The following PTPRA variants were observed in gnomAD, a reference collection of about 807,000 sequenced individuals.
PTPRA encodes the protein protein tyrosine phosphatase receptor type A.
A neutral mutation model predicts 104.8 loss-of-function variants in PTPRA; 25 were observed. That is an observed-to-expected ratio of 0.24 (90% CI 0.17 to 0.33). The LOEUF is 0.33. Ranked by LOEUF, PTPRA falls within the 10% of genes least tolerant of loss-of-function variation. The pLI, the probability that PTPRA is intolerant of heterozygous loss-of-function variation, is 1.00. For missense variants in PTPRA, 765 were observed against 1,015.3 expected (o/e 0.75, Z 3.35); for synonymous variants, 323 against 368.9 (o/e 0.88, Z 1.43).
At chr20:3,029,116 A>T (rs505946) in intron 20 of PTPRA, among the ~76,000 whole-genome samples, 2,062 of 33,440 alleles carry the variant, frequency 0.062, 116 homozygotes, top group East Asian at 0.38. Context: ...TTACATCAGG[A>T]TTTTTTTTTT....
At chr20:2,868,479 A>T (rs1198876538), upstream of PTPRA, among the ~76,000 whole-genome samples, 1 of 151,254 alleles carries the variant, frequency 6.6e-6, no homozygotes, top group Non-Finnish European at 1.5e-5. Flanking sequence ...CCACCTCCTG[A>T]TAGGGAGTAG....
intron 3 of PTPRA, among the ~76,000 whole-genome samples, chr20:2,960,210 C>G (rs1348681508): frequency 4.6e-5 from 7 of 151,770 alleles, no homozygotes; most frequent in Non-Finnish European, 7.4e-5. Context: ...GCTCCACCTG[C>G]TTACTCCTCT....
Position 2,964,974 on chromosome 20 carries a change from C to A in PTPRA, c.187C>A (p.Pro63Thr). 1 of 1,613,998 alleles carries A rather than the reference C, an allele frequency of 6.2e-7. No individual in the cohort carries two copies. The highest frequency in any genetic ancestry group is 1.1e-5 in the South Asian group (1 of 91,086). The change falls in exon 5 of 24, where the codon CCA becomes ACA. Residue 63 changes from proline to threonine, a missense_variant. Around this residue, in one of 4 missense-constraint regions of PTPRA, gnomAD observed 256 missense variants for 248.9 expected, o/e 1.03. Transcript: ENST00000399903. ...TTCACTAACTTCTCTTTCTGTGGCA[C>A]CAACATTCAGCCCAAATATAACTCT... ...TSSLTSLSVA[P>T]TFSPNITLGP...
chr20:2,926,160 C>CCTTA (rs1006278432), intron 2 of PTPRA, among the ~76,000 whole-genome samples: 183 of 152,228 alleles, frequency 1.2e-3, no homozygotes, highest in African/African-American at 4.2e-3. Flanking sequence ...TGGGAATTTA[C>CCTTA]CTTACACTAT....
intron 3 of PTPRA, among the ~76,000 whole-genome samples, chr20:2,962,330 G>A (rs901967437): frequency 1.3e-5 from 2 of 151,976 alleles, no homozygotes; most frequent in African/African-American, 4.8e-5. Flanking sequence ...TGCTTAGAAA[G>A]TTTTTCCTCA....
At chr20:2,921,364 A>G (rs983476364) in intron 1 of PTPRA, among the ~76,000 whole-genome samples, 3 of 128,244 alleles carry the variant, frequency 2.3e-5, no homozygotes, top group Non-Finnish European at 3.2e-5. Context: ...ACAGTTGTTC[A>G]CCCTTCCTTG....
At chr20:3,012,716 C>A (rs2064231602) in intron 11 of PTPRA, among the ~76,000 whole-genome samples, 1 of 152,236 alleles carries the variant, frequency 6.6e-6, no homozygotes. Flanking sequence ...GGGCAGCATC[C>A]TTTGCTGAAG....
At chr20:2,874,847 G>C (rs2089609151) in intron 1 of PTPRA, among the ~76,000 whole-genome samples, 1 of 152,070 alleles carries the variant, frequency 6.6e-6, no homozygotes, top group South Asian at 2.1e-4. Flanking sequence ...TAGCCTAATC[G>C]GATCCTCCAA....
chr20:3,020,602 G>A (rs967937859), intron 13 of PTPRA, among the ~76,000 whole-genome samples: 4 of 152,222 alleles, frequency 2.6e-5, no homozygotes, highest in African/African-American at 9.6e-5. Context: ...GCTACCAAGT[G>A]CATGCCTGGC....
Position 2,974,214 on chromosome 20 carries a change from A to C in PTPRA, c.416-1001A>C, listed in dbSNP as rs1333061428. Among the ~76,000 whole-genome samples the C allele has an allele frequency of 3.3e-5, 5 of 151,760 alleles. No homozygotes were observed. In the East Asian group the frequency reaches 9.7e-4, roughly 30 times the overall value. ...TGTGATCTGCCCACTTCGGCCTCCC[A>C]AAGTGTTAGGATTACAGGCGTGAGC... is the stretch of plus-strand genomic sequence containing the variant. On this transcript the variant is annotated intron_variant, in intron 5 of 23. Transcript: ENST00000399903.
chr20:3,026,872 C>A, intron 18 of PTPRA, 92 bp downstream of exon 18: 2 of 1,160,360 alleles, frequency 1.7e-6, no homozygotes, highest in Non-Finnish European at 2.6e-6. Context: ...TAATGATTGG[C>A]GTATAGACAA....
chr20:2,920,803 G>A (rs571321004), intron 1 of PTPRA, among the ~76,000 whole-genome samples: 31 of 151,672 alleles, frequency 2.0e-4, no homozygotes, highest in Admixed American at 4.6e-4. Context: ...TGGCTGGGAT[G>A]GGGGGCATTG....
Position 3,038,087 on chromosome 20 carries a change from T to C in PTPRA, c.2363T>C (p.Val788Ala), listed in dbSNP as rs1600298909. Residue 788 changes from valine to alanine, a missense_variant, in exon 24 of 24, where the codon GTG becomes GCG. Physicochemically the swap from Val to Ala is moderately conservative, Grantham distance 64. Around this residue, in one of 4 missense-constraint regions of PTPRA, gnomAD observed 72 missense variants for 140.7 expected, o/e 0.51. Transcript: ENST00000399903. The stretch of plus-strand genomic sequence containing the variant: ...CAGTATGAGTTCTGCTACAAGGTGG[T>C]GCAGGAGTATATTGATGCATTCTCA... The part of the protein sequence containing the change: ...LEQYEFCYKV[V>A]QEYIDAFSDY... The C allele has an allele frequency of 6.2e-7, 1 of 1,613,578 alleles. No individual in the cohort carries two copies. Among genetic ancestry groups the C allele is most frequent in the Non-Finnish European group, 8.5e-7 (1 of 1,179,484 alleles).
Position 2,875,113 on chromosome 20 carries a change from C to T in PTPRA, c.-129+1353C>T, listed in dbSNP as rs188767405. ...GTAGATTCTTTCCAATCTCTTCTCT[C>T]TTATGCCTAGGCTCTGTTTATTTCC... On this transcript the variant is annotated intron_variant, in intron 1 of 23. Transcript: ENST00000399903. Among the ~76,000 whole-genome samples, 202 of 152,298 alleles carry T rather than the reference C, an allele frequency of 1.3e-3. 1 individual carries two copies. The highest frequency in any genetic ancestry group is 4.5e-3 in the African/African-American group (185 of 41,556).
intron 3 of PTPRA, among the ~76,000 whole-genome samples, chr20:2,958,844 C>CAAAAA (rs528139524): frequency 4.5e-4 from 21 of 46,774 alleles, no homozygotes; most frequent in African/African-American, 1.2e-3. Context: ...GAGACTGTAT[C>CAAAAA]AAAAAAAAAA....
At chr20:2,967,008 A>G (rs2061971873) in intron 5 of PTPRA, among the ~76,000 whole-genome samples, 1 of 152,222 alleles carries the variant, frequency 6.6e-6, no homozygotes, top group South Asian at 2.1e-4. Context: ...TGAACAGCCC[A>G]TGTTCTATTG....
intron 2 of PTPRA, among the ~76,000 whole-genome samples, chr20:2,934,180 T>G (rs1026751464): frequency 1.3e-5 from 2 of 152,154 alleles, no homozygotes; most frequent in African/African-American, 4.8e-5. Flanking sequence ...CATGGCTCAC[T>G]GCGGCATCTA....
intron 6 of PTPRA, among the ~76,000 whole-genome samples, chr20:2,984,840 G>A (rs1282475864): frequency 1.3e-5 from 2 of 152,058 alleles, no homozygotes; most frequent in Non-Finnish European, 2.9e-5. Context: ...TCTTTGCGTG[G>A]TTCACTTCAC....
intron 6 of PTPRA, among the ~76,000 whole-genome samples, chr20:2,985,866 G>C (rs999440920): frequency 2.0e-5 from 3 of 150,214 alleles, no homozygotes; most frequent in Non-Finnish European, 4.4e-5. Flanking sequence ...GGCATGAGCC[G>C]CCACACCCAG....
Sources: gnomAD v4.1 joint callset for allele counts (sites outside exome capture counted in the v4.1 genomes callset) on GRCh38, gnomAD v4.1.1 for gene constraint, gnomAD v4.1.1 regional missense constraint, MANE v1.5 for transcripts, NCBI Gene and HGNC (gene_info 2026-07-23, HGNC 2026-07-21) for gene names.